The following KDSR variants were observed in gnomAD, a reference collection of about 807,000 sequenced individuals.
The protein encoded by KDSR is 3-dehydrosphinganine reductase.
Under a neutral mutation model 41.3 loss-of-function variants are expected in KDSR, and 23 were observed. That is an observed-to-expected ratio of 0.56 (90% CI 0.40 to 0.79). The LOEUF (loss-of-function observed/expected upper bound fraction) is 0.79, where lower values mean the gene tolerates loss of function less well. Ranked by LOEUF, KDSR falls within the 30% of genes least tolerant of loss-of-function variation. The pLI is 0.00. For synonymous variants in KDSR, 138 were observed against 151.7 expected, an observed-to-expected ratio of 0.91 and a Z score of 0.66; for missense variants, 351 against 416.8, an observed-to-expected ratio of 0.84 and a Z score of 1.37.
intron 9 of KDSR, among the ~76,000 whole-genome samples, 171 bp downstream of exon 9, chr18:63,335,086 C>T (rs1438121090): frequency 6.6e-6 from 1 of 152,204 alleles, no homozygotes; most frequent in Non-Finnish European, 1.5e-5. Flanking sequence ...TATCTTTAAC[C>T]TATTTACTCA....
At position 63,358,697 on chromosome 18, in the gene KDSR, C is replaced by G. The variant is rs376151368; in HGVS notation, c.255+1039G>C. On this transcript the variant is annotated intron_variant, in intron 3 of 9. Coordinates refer to ENST00000645214, the MANE Select transcript of KDSR (RefSeq NM_002035.4). ...GGGTGTGGTGGCACACACCTGTAAT[C>G]CCAGCTACTCAGGAGGCTGAGGCAG... 7.3e-5 allele frequency among the ~76,000 whole-genome samples: 11 copies of G among 151,296 alleles called. 1 individual carries two copies. Among genetic ancestry groups the G allele is most frequent in the Admixed American group, 3.9e-4 (6 of 15,196 alleles).
intron 9 of KDSR, among the ~76,000 whole-genome samples, chr18:63,333,423 AG>A (rs1914070305): frequency 6.6e-6 from 1 of 152,230 alleles, no homozygotes; most frequent in Non-Finnish European, 1.5e-5. Context: ...GATGGTATCA[AG>A]GAGTCATTGA....
intron 2 of KDSR, 148 bp from the exon 3 acceptor site, chr18:63,359,940 C>T: frequency 3.1e-6 from 2 of 642,478 alleles, no homozygotes; most frequent in Non-Finnish European, 5.6e-6. Context: ...CATAGACAGA[C>T]TGGGCCACAG....
At chr18:63,355,617 T>A (rs373098100) in intron 3 of KDSR, 54 bp from the exon 4 acceptor site, 87 of 1,491,548 alleles carry the variant, frequency 5.8e-5, no homozygotes, top group East Asian at 3.9e-4. Flanking sequence ...AACTATTTCT[T>A]AAAGATATTT....
At chr18:63,339,113 A>T (rs1914269948) in intron 7 of KDSR, among the ~76,000 whole-genome samples, 1 of 152,248 alleles carries the variant, frequency 6.6e-6, no homozygotes, top group Admixed American at 6.5e-5. Context: ...CCATTCTCTT[A>T]GAACATACGG....
intron 9 of KDSR, 72 bp from the exon 10 acceptor site, chr18:63,331,973 C>A: frequency 6.7e-7 from 1 of 1,488,136 alleles, no homozygotes; most frequent in Non-Finnish European, 9.2e-7. Context: ...AGGTCTCTAA[C>A]AAACAGTTTC....
rs576390908 is a variant in KDSR, at chr18:63,330,700, A to T, written c.*1082T>A. The stretch of plus-strand genomic sequence containing the variant: ...ATCATCAGCCTTTCCTAAAAGCTAC[A>T]TATATGCTCCGAGAAAAAGTCACAC... On this transcript the variant is annotated 3_prime_UTR_variant, in exon 10 of 10. Coordinates refer to ENST00000645214, the MANE Select transcript of KDSR (RefSeq NM_002035.4). 5 of 231,578 alleles carry T rather than the reference A, an allele frequency of 2.2e-5. No individual in the cohort carries two copies. The highest frequency in any genetic ancestry group is 4.3e-5 in the Non-Finnish European group (5 of 117,074). 14.3% of individuals were successfully genotyped at this position (231,578 alleles called of 1,614,324 possible). A position where few individuals can be genotyped will look rare whatever the true frequency, so the allele number is the denominator to read the frequency against.
intron 6 of KDSR, among the ~76,000 whole-genome samples, chr18:63,347,304 T>TGAGTTCAA (rs1274616213): frequency 1.3e-5 from 2 of 152,072 alleles, no homozygotes; most frequent in East Asian, 3.9e-4. Context: ...AAGACCAGCC[T>TGAGTTCAA]GGCCAACATG....
At chr18:63,363,901 A>G (rs1472558617) in intron 1 of KDSR, among the ~76,000 whole-genome samples, 1 of 152,206 alleles carries the variant, frequency 6.6e-6, no homozygotes, top group Non-Finnish European at 1.5e-5. Flanking sequence ...CTCTGACTCC[A>G]TGTTAGGATT....
rs1190739630 is a variant in KDSR at position 63,335,265 on chromosome 18, G to T, written c.871C>A (p.Leu291Ile). ...GCCTAGGCAGAGCTTACCTGCTGGA[G>T]CCCCTCAGTAATAGAAGTTACTGGA... is the stretch of plus-strand genomic sequence containing the variant. ...MAPVTSITEG[L>I]QQVVTMGLFR... Residue 291 changes from leucine to isoleucine, a missense_variant, in exon 9 of 10, where the codon CTC becomes ATC. Transcript: ENST00000645214. 8 of 1,610,256 alleles carry T rather than the reference G, an allele frequency of 5.0e-6. No individual in the cohort carries two copies. Among genetic ancestry groups the T allele is most frequent in the Non-Finnish European group, 6.8e-6 (8 of 1,176,662 alleles).
Position 63,350,883 on chromosome 18 carries a change from T to C in KDSR, c.609+5A>G. On this transcript the variant is annotated splice_donor_5th_base_variant and intron_variant, in intron 6 of 9. Coordinates refer to ENST00000645214, the MANE Select transcript of KDSR (RefSeq NM_002035.4). ...AATAAATACAAAAATGAATACAACT[T>C]TTACCTCCATCTGCAAAGCTTCTGC... is the stretch of plus-strand genomic sequence containing the variant. The C allele has an allele frequency of 1.2e-6, 2 of 1,604,284 alleles. No homozygotes were observed. Among genetic ancestry groups the C allele is most frequent in the Non-Finnish European group, 1.7e-6 (2 of 1,173,114 alleles).
chr18:63,359,861 G>GA, intron 2 of KDSR, 69 bp from the exon 3 acceptor site: 5 of 1,040,534 alleles, frequency 4.8e-6, no homozygotes, highest in Non-Finnish European at 7.5e-6. Flanking sequence ...GCAAAGGAGA[G>GA]AAAAAAAGCA....
intron 5 of KDSR, among the ~76,000 whole-genome samples, chr18:63,354,003 G>A (rs926669783): frequency 1.3e-5 from 2 of 152,016 alleles, no homozygotes; most frequent in African/African-American, 2.4e-5. Context: ...AAAAAATAAT[G>A]TAGGACAATG....
rs1397281401 is a variant in KDSR, at chr18:63,350,966, C to G, written c.531G>C (p.Gln177His). ...AGGCTGTGAAACCGAATAATCCCAA[C>G]TGTCCTGCCTGGGAGGACACAAACA... is the stretch of plus-strand genomic sequence containing the variant. ...RIVFVSSQAG[Q>H]LGLFGFTAYS... Residue 177 changes from glutamine (Q) to histidine (H), a missense_variant, in exon 6 of 10, where the codon CAG becomes CAC. Physicochemically the swap from Gln to His is conservative, Grantham distance 24. Transcript: ENST00000645214. 6.2e-7 allele frequency: 1 copy of G among 1,614,186 alleles called. No homozygotes were observed. The highest frequency in any genetic ancestry group is 2.2e-5 in the East Asian group (1 of 44,884).
intron 8 of KDSR, among the ~76,000 whole-genome samples, chr18:63,336,857 G>A (rs1053057844): frequency 1.3e-5 from 2 of 151,796 alleles, no homozygotes; most frequent in African/African-American, 2.4e-5. Flanking sequence ...TCCCAACTCC[G>A]TATCTGTCTC....
chr18:63,337,494 C>T (rs28678815), intron 8 of KDSR, among the ~76,000 whole-genome samples: 46,061 of 151,940 alleles, frequency 0.3, 7,483 homozygotes, highest in African/African-American at 0.41. Flanking sequence ...ATAAATATAG[C>T]CATGTAAATA....
rs11872508 is a variant in KDSR, at chr18:63,358,456, G to A, written c.255+1280C>T. ...ATATTTTAAATGGGTCAACTGTATG[G>A]TATATAAATTATATCTCATAAAGCT... On this transcript the variant is annotated intron_variant, in intron 3 of 9. Transcript: ENST00000645214. 3.4e-3 allele frequency among the ~76,000 whole-genome samples: 510 copies of A among 152,080 alleles called. 4 individuals are homozygous for A. Among genetic ancestry groups the A allele is most frequent in the African/African-American group, 0.011 (474 of 41,496 alleles).
In KDSR at chr18:63,339,695, G is replaced by GT. The variant is rs1337463051; in HGVS notation, c.694-813dup. On this transcript the variant is annotated intron_variant, in intron 7 of 9. Transcript: ENST00000645214. ...TGTGCATTTGCATTTTACCTCCTAA[G>GT]TTTCTTGTGGGCAGGGCCTTTTTTG... Among the ~76,000 whole-genome samples the GT allele has an allele frequency of 2.6e-5, 4 of 152,288 alleles. 1 individual carries two copies. The highest frequency in any genetic ancestry group is 9.6e-5 in the African/African-American group (4 of 41,554).
In KDSR at chr18:63,330,985, G is replaced by A. The variant is rs1184951887; in HGVS notation, c.*797C>T. 7 of 231,576 alleles carry A rather than the reference G, an allele frequency of 3.0e-5. No individual in the cohort carries two copies. The highest frequency in any genetic ancestry group is 6.0e-5 in the Non-Finnish European group (7 of 116,836). The allele number at this position is 231,576 out of a possible 1,614,324, so 14.3% of individuals were successfully genotyped here. ...TTACCGCTCTTCAGAAAACATTTAAGGAGGCTGCCTTTCCCCATGAATGAG... is the reference window on the plus strand; with the variant it reads ...TTACCGCTCTTCAGAAAACATTTAAAGAGGCTGCCTTTCCCCATGAATGAG... On this transcript the variant is annotated 3_prime_UTR_variant, in exon 10 of 10. Coordinates refer to ENST00000645214, the MANE Select transcript of KDSR (RefSeq NM_002035.4).
Sources: allele counts gnomAD v4.1 joint callset (sites outside exome capture counted in the v4.1 genomes callset), GRCh38; gene constraint gnomAD v4.1.1; transcripts MANE v1.5; gene names NCBI Gene and HGNC (gene_info 2026-07-23, HGNC 2026-07-21).